Variants in ALK observed in about 807,000 individuals in gnomAD.
ALK encodes ALK receptor tyrosine kinase.
A neutral mutation model predicts 163.1 loss-of-function variants in ALK; 74 were observed. That is an observed-to-expected ratio of 0.45 (90% CI 0.38 to 0.55). The LOEUF (loss-of-function observed/expected upper bound fraction) is 0.55, where lower values mean the gene tolerates loss of function less well. ALK is among the 20% of genes least tolerant of loss of function. ALK has a pLI of 0.00. For missense variants in ALK, 2,063 were observed against 2,105.3 expected (o/e 0.98, Z 0.39); for synonymous variants, 960 against 843.2 (o/e 1.14, Z -2.40).
intron 5 of ALK, among the ~76,000 whole-genome samples, chr2:29,361,474 G>A (rs181106142): frequency 2.0e-5 from 3 of 152,152 alleles, no homozygotes; most frequent in African/African-American, 2.4e-5. Flanking sequence ...CAATCCTGGC[G>A]CGTAGGAAAT....
chr2:29,498,864 C>T lies in ALK; in HGVS notation c.1154+33051G>A, dbSNP rs568017806. ...GTTGGATCATCACTATAATTGAGCACAGTCAGAGACGGTGGCATGAAAAAG... is the reference window on the plus strand; with the variant it reads ...GTTGGATCATCACTATAATTGAGCATAGTCAGAGACGGTGGCATGAAAAAG... On this transcript the variant is annotated intron_variant, in intron 4 of 28. Transcript: ENST00000389048. Among the ~76,000 whole-genome samples the T allele has an allele frequency of 6.6e-5, 10 of 152,282 alleles. No individual in the cohort carries two copies. In the South Asian group the frequency reaches 1.2e-3, roughly 19 times the overall value.
chr2:29,883,679 T>G (rs1310689522), intron 1 of ALK, among the ~76,000 whole-genome samples: 1 of 152,010 alleles, frequency 6.6e-6, no homozygotes, highest in Non-Finnish European at 1.5e-5. Context: ...GCTCACTCCT[T>G]GAAGAGTAAG....
intron 4 of ALK, among the ~76,000 whole-genome samples, chr2:29,439,213 C>A (rs1670476275): frequency 1.3e-5 from 2 of 152,138 alleles, no homozygotes; most frequent in Admixed American, 6.6e-5. Flanking sequence ...AGTACTGAAA[C>A]AACATGTAGC....
intron 1 of ALK, among the ~76,000 whole-genome samples, chr2:29,746,616 G>A (rs1368882931): frequency 6.6e-6 from 1 of 152,186 alleles, no homozygotes; most frequent in Non-Finnish European, 1.5e-5. Context: ...CTTAGTTGTG[G>A]GTTGTGATAT....
intron 1 of ALK, among the ~76,000 whole-genome samples, chr2:29,871,704 C>G (rs1428831108): frequency 6.6e-6 from 1 of 152,138 alleles, no homozygotes; most frequent in African/African-American, 2.4e-5. Context: ...GTCCCCTCCC[C>G]CACAAAAATA....
intron 3 of ALK, among the ~76,000 whole-genome samples, chr2:29,603,243 C>T (rs1241003405): frequency 1.3e-5 from 2 of 152,172 alleles, no homozygotes; most frequent in East Asian, 3.9e-4. Flanking sequence ...ACCTGAGTTT[C>T]AGCTAATCTT....
intron 1 of ALK, among the ~76,000 whole-genome samples, chr2:29,729,343 G>T (rs76906446): frequency 0.017 from 2,576 of 152,238 alleles, 68 homozygotes; most frequent in African/African-American, 0.057. Flanking sequence ...GGGAGAGAGA[G>T]AAAAGAAGAG....
intron 1 of ALK, among the ~76,000 whole-genome samples, chr2:29,891,617 G>T (rs1267028356): frequency 6.6e-6 from 1 of 152,096 alleles, no homozygotes; most frequent in Non-Finnish European, 1.5e-5. Context: ...TTATAGTTCT[G>T]GGGAGAACCA....
At chr2:29,293,402 C>T (rs1382783025) in intron 9 of ALK, among the ~76,000 whole-genome samples, 2 of 152,072 alleles carry the variant, frequency 1.3e-5, no homozygotes, top group Non-Finnish European at 2.9e-5. Context: ...CACACAATCC[C>T]TACCTTGTTA....
At chr2:29,199,947 GA>G (rs1256725965) in intron 26 of ALK, among the ~76,000 whole-genome samples, 2 of 152,152 alleles carry the variant, frequency 1.3e-5, no homozygotes, top group East Asian at 3.9e-4. Context: ...TCATCTGTGT[GA>G]AATTTCAAAG....
chr2:29,784,029 C>A (rs1286584172), intron 1 of ALK, among the ~76,000 whole-genome samples: 2 of 151,778 alleles, frequency 1.3e-5, no homozygotes, highest in African/African-American at 4.8e-5. Flanking sequence ...GAAGAAAGAA[C>A]AGGAATGCCA....
intron 4 of ALK, among the ~76,000 whole-genome samples, chr2:29,403,180 A>G (rs1305740310): frequency 6.6e-6 from 1 of 152,200 alleles, no homozygotes; most frequent in Non-Finnish European, 1.5e-5. Context: ...AACAAATGTT[A>G]AATTCTGTTT....
At chr2:29,447,794 G>A (rs1012271048) in intron 4 of ALK, among the ~76,000 whole-genome samples, 10 of 152,148 alleles carry the variant, frequency 6.6e-5, no homozygotes, top group African/African-American at 2.2e-4. Context: ...TCTTGTCTTT[G>A]GGATGGGGTG....
chr2:29,223,794 T>G (rs1663823429), intron 19 of ALK: 2 of 520,828 alleles, frequency 3.8e-6, no homozygotes, highest in Non-Finnish European at 7.0e-6. Flanking sequence ...GTTAGTCTGG[T>G]TCCTCCAAGA....
chr2:29,226,068 C>T (rs1573130053), intron 18 of ALK, among the ~76,000 whole-genome samples: 2 of 151,812 alleles, frequency 1.3e-5, no homozygotes, highest in African/African-American at 2.4e-5. Context: ...AAAGGGACAT[C>T]GATAGTGGAA....
At chr2:29,737,680 G>T (rs1231902566) in intron 1 of ALK, among the ~76,000 whole-genome samples, 1 of 152,076 alleles carries the variant, frequency 6.6e-6, no homozygotes, top group Non-Finnish European at 1.5e-5. Flanking sequence ...CAAGCAGGTG[G>T]TAGGCATCTG....
chr2:29,563,772 C>G (rs543760785), intron 3 of ALK, among the ~76,000 whole-genome samples: 2 of 152,286 alleles, frequency 1.3e-5, no homozygotes, highest in South Asian at 2.1e-4. Context: ...TAGTTTAACT[C>G]TAAGACAAGG....
chr2:29,688,195 G>T (rs1307003137), intron 3 of ALK, among the ~76,000 whole-genome samples: 1 of 152,208 alleles, frequency 6.6e-6, no homozygotes, highest in Non-Finnish European at 1.5e-5. Context: ...TACTGGTGAA[G>T]GAGTCCCTGG....
chr2:29,251,112 TG>T lies in ALK; in HGVS notation c.2196del (p.Asp732GlufsTer20). On this transcript the variant is annotated frameshift_variant, in exon 12 of 29. Transcript: ENST00000389048. LOFTEE classifies it high-confidence loss of function. ...GIQIWKVPATDTYSISGYGAA... is the reference protein window; with the variant it reads ...GIQIWKVPATXTYSISGYGAA... Reference sequence around the variant, plus strand: ...CCCCTCTTCCATACGCACCTGTAGGTGTCGGTGGCTGGCACCTTCCAGATCT... The same window carrying T: ...CCCCTCTTCCATACGCACCTGTAGGTTCGGTGGCTGGCACCTTCCAGATCT... The T allele has an allele frequency of 1.2e-6, 2 of 1,613,944 alleles. No individual in the cohort carries two copies. Among genetic ancestry groups the T allele is most frequent in the Non-Finnish European group, 8.5e-7 (1 of 1,179,962 alleles).
Sources: allele counts gnomAD v4.1 joint callset (sites outside exome capture counted in the v4.1 genomes callset), GRCh38; gene constraint gnomAD v4.1.1; transcripts MANE v1.5; gene names NCBI Gene and HGNC (gene_info 2026-07-23, HGNC 2026-07-21).